The following GRID1 variants were observed in gnomAD, a reference collection of about 807,000 sequenced individuals.
GRID1 encodes glutamate ionotropic receptor delta type subunit 1.
A neutral mutation model predicts 98.0 loss-of-function variants in GRID1; 28 were observed. That is an observed-to-expected ratio of 0.29 (90% confidence interval 0.21 to 0.39). GRID1 has a LOEUF of 0.39. Among genes scored for constraint, GRID1 ranks in the 10% least tolerant of loss-of-function variants. The pLI, the probability that GRID1 is intolerant of heterozygous loss-of-function variation, is 1.00. For missense variants in GRID1, 1,111 were observed against 1,340.5 expected, an observed-to-expected ratio of 0.83 and a Z score of 2.67; for synonymous variants, 553 against 538.5, an observed-to-expected ratio of 1.03 and a Z score of -0.37.
At chr10:85,702,869 G>A (rs1349187252) in intron 12 of GRID1, among the ~76,000 whole-genome samples, 3 of 151,432 alleles carry the variant, frequency 2.0e-5, no homozygotes, top group Admixed American at 6.6e-5. Flanking sequence ...GAAAAAAGGG[G>A]AGGAGAAGGA....
rs549379271 is a variant in GRID1 at position 86,122,765 on chromosome 10, C to A, written c.726+16054G>T. On this transcript the variant is annotated intron_variant, in intron 4 of 15. Transcript: ENST00000327946. ...TCACCTTTTAACTGGCCTCTGAAGT[C>A]TCCCAGTATGCCTGGACCACAGCTG... Among the ~76,000 whole-genome samples, 9 of 152,360 alleles carry A rather than the reference C, an allele frequency of 5.9e-5. No individual in the cohort carries two copies. In the South Asian group the frequency reaches 1.9e-3, roughly 32 times the overall value.
At chr10:85,622,636 T>C (rs1842871042) in intron 13 of GRID1, among the ~76,000 whole-genome samples, 1 of 152,172 alleles carries the variant, frequency 6.6e-6, no homozygotes, top group Non-Finnish European at 1.5e-5. Flanking sequence ...GAGGGTGCTA[T>C]CCCACATTTT....
chr10:85,865,960 G>C (rs1266336544), intron 6 of GRID1, among the ~76,000 whole-genome samples: 35 of 8,128 alleles, frequency 4.3e-3, no homozygotes, highest in African/African-American at 0.014. Flanking sequence ...TATATGGAGA[G>C]AGAGAGAGAG....
intron 2 of GRID1, among the ~76,000 whole-genome samples, chr10:86,295,738 C>T (rs1847579766): frequency 6.6e-6 from 1 of 152,172 alleles, no homozygotes; most frequent in African/African-American, 2.4e-5. Flanking sequence ...CTGAGCTTGG[C>T]TTGGTCATCC....
In GRID1 at chr10:85,602,276, G is replaced by A. The variant is rs747438333; in HGVS notation, c.3027C>T (p.Ile1009=). ...EALDTSHGTS[I] ...GGCAGGAGGGCAGGCGGCGCAGTCA[G>A]ATGGAGGTCCCGTGGGAGGTGTCCA... Residue 1009 remains isoleucine (I), a synonymous_variant, in exon 16 of 16, where the codon ATC becomes ATT. Transcript: ENST00000327946. 1.3e-6 allele frequency: 2 copies of A among 1,509,286 alleles called. No individual in the cohort carries two copies. Among genetic ancestry groups the A allele is most frequent in the Admixed American group, 2.3e-5 (1 of 44,150 alleles). The allele number at this position is 1,509,286 out of a possible 1,614,324, so 93.5% of individuals were successfully genotyped here.
Position 85,820,653 on chromosome 10 carries a change from T to C in GRID1, c.1233+33843A>G, listed in dbSNP as rs73330559. On this transcript the variant is annotated intron_variant, in intron 8 of 15. Coordinates refer to ENST00000327946, the MANE Select transcript of GRID1 (RefSeq NM_017551.3). ...AAGTACATCAAATAATTATTTGTGC[T>C]GTCTTTTCAAATTCTAAAATTATTT... Among the ~76,000 whole-genome samples, 871 of 152,354 alleles carry C rather than the reference T, an allele frequency of 5.7e-3. 8 individuals carry two copies. The highest frequency in any genetic ancestry group is 0.02 in the African/African-American group (819 of 41,588).
intron 2 of GRID1, chr10:86,264,632 G>T: frequency 2.2e-6 from 1 of 461,202 alleles, no homozygotes; most frequent in South Asian, 1.5e-5. Context: ...GACTGTGGAG[G>T]TAGGTTGGGA....
At chr10:86,282,447 G>A (rs1419151045) in intron 2 of GRID1, among the ~76,000 whole-genome samples, 2 of 152,114 alleles carry the variant, frequency 1.3e-5, no homozygotes, top group Admixed American at 6.5e-5. Flanking sequence ...TCCAGGTGCC[G>A]GCTGAGCCTG....
intron 2 of GRID1, among the ~76,000 whole-genome samples, chr10:86,320,365 G>T (rs1483003096): frequency 1.3e-5 from 2 of 152,144 alleles, no homozygotes; most frequent in Non-Finnish European, 2.9e-5. Flanking sequence ...GTGACAGAAT[G>T]GGCATTTCAA....
At chr10:85,782,649 G>C (rs896070656) in intron 8 of GRID1, among the ~76,000 whole-genome samples, 1 of 152,236 alleles carries the variant, frequency 6.6e-6, no homozygotes, top group Non-Finnish European at 1.5e-5. Context: ...ATGAGTATCA[G>C]GGGAAGGGCA....
chr10:86,323,980 A>C (rs994037954), intron 2 of GRID1, among the ~76,000 whole-genome samples: 3 of 152,150 alleles, frequency 2.0e-5, no homozygotes, highest in African/African-American at 7.2e-5. Flanking sequence ...GGAGTTTGAG[A>C]CCAGCCCAGC....
chr10:86,077,900 A>T lies in GRID1; in HGVS notation c.726+60919T>A, dbSNP rs550031484. On this transcript the variant is annotated intron_variant, in intron 4 of 15. Coordinates refer to ENST00000327946, the MANE Select transcript of GRID1 (RefSeq NM_017551.3). ...AGGGACAGTGACAGTAAAATGGTTC[A>T]CTTGGCCTGGCCTACAAAGCAAGCC... 1.0e-3 allele frequency among the ~76,000 whole-genome samples: 158 copies of T among 152,372 alleles called. 1 individual carries two copies. The highest frequency in any genetic ancestry group is 0.01 in the Middle Eastern group (3 of 294).
chr10:86,312,048 A>C (rs754381127), intron 2 of GRID1, among the ~76,000 whole-genome samples: 2 of 152,226 alleles, frequency 1.3e-5, no homozygotes, highest in Non-Finnish European at 2.9e-5. Flanking sequence ...TAATTTGTGC[A>C]AAGTGCCTTG....
chr10:86,003,828 T>A (rs1363306745), intron 4 of GRID1, among the ~76,000 whole-genome samples: 1 of 152,146 alleles, frequency 6.6e-6, no homozygotes, highest in Non-Finnish European at 1.5e-5. Flanking sequence ...TGCCAGGATG[T>A]GAAAAATAAA....
intron 2 of GRID1, among the ~76,000 whole-genome samples, chr10:86,330,967 G>A (rs1274083046): frequency 6.6e-6 from 1 of 152,136 alleles, no homozygotes; most frequent in Admixed American, 6.5e-5. Context: ...GCCAGGACTA[G>A]TGAGCAAGGA....
chr10:85,646,944 G>A (rs1214259918), intron 13 of GRID1: 2 of 520,354 alleles, frequency 3.8e-6, no homozygotes, highest in East Asian at 3.3e-5. Flanking sequence ...ATGAGCCCAT[G>A]AGGAGGGTGG....
intron 2 of GRID1, among the ~76,000 whole-genome samples, chr10:86,343,888 T>G (rs1412095439): frequency 2.0e-5 from 3 of 152,234 alleles, no homozygotes; most frequent in African/African-American, 7.2e-5. Flanking sequence ...AGAGCTGTGA[T>G]GAAGGAAATC....
chr10:85,958,517 G>A (rs1204324232), intron 4 of GRID1, among the ~76,000 whole-genome samples: 2 of 152,088 alleles, frequency 1.3e-5, no homozygotes, highest in East Asian at 3.9e-4. Context: ...AGGGTGTCCA[G>A]ACATTTGGCT....
chr10:85,934,372 C>T (rs1841898182), intron 4 of GRID1, among the ~76,000 whole-genome samples: 1 of 150,832 alleles, frequency 6.6e-6, no homozygotes, highest in Non-Finnish European at 1.5e-5. Flanking sequence ...CAAAGTATGC[C>T]CCAAAATATG....
Sources: allele counts gnomAD v4.1 joint callset (sites outside exome capture counted in the v4.1 genomes callset), GRCh38; gene constraint gnomAD v4.1.1; transcripts MANE v1.5; gene names NCBI Gene and HGNC (gene_info 2026-07-23, HGNC 2026-07-21).